ZRANB3: variants seen among roughly 807,000 people sequenced by gnomAD.
The protein encoded by ZRANB3 is zinc finger RANBP2-type containing 3.
Under a neutral mutation model 133.8 loss-of-function variants are expected in ZRANB3, and 125 were observed. That is an observed-to-expected ratio of 0.93 (90% confidence interval 0.81 to 1.08). ZRANB3 has a LOEUF of 1.08. ZRANB3 is among the 50% of genes least tolerant of loss of function. The pLI, the probability that ZRANB3 is intolerant of heterozygous loss-of-function variation, is 0.00. For missense variants in ZRANB3, 1,229 were observed against 1,275.5 expected, an observed-to-expected ratio of 0.96 and a Z score of 0.56; for synonymous variants, 387 against 432.7, an observed-to-expected ratio of 0.89 and a Z score of 1.31.
chr2:135,320,390 AAAC>A (rs1683464984), intron 6 of ZRANB3, among the ~76,000 whole-genome samples: 1 of 152,218 alleles, frequency 6.6e-6, no homozygotes, highest in Non-Finnish European at 1.5e-5. Flanking sequence ...GGTAGGTTTA[AAAC>A]AAAAGGATAC....
chr2:135,414,672 C>T (rs930302434), intron 2 of ZRANB3, among the ~76,000 whole-genome samples: 1 of 152,136 alleles, frequency 6.6e-6, no homozygotes, highest in Non-Finnish European at 1.5e-5. Flanking sequence ...CACCACACCA[C>T]ACCTATTCCA....
intron 3 of ZRANB3, among the ~76,000 whole-genome samples, chr2:135,389,876 C>CTTTTTTT (rs1165827390): frequency 3.7e-4 from 38 of 102,322 alleles, no homozygotes; most frequent in Middle Eastern, 7.2e-3. Flanking sequence ...TGCTGTTATT[C>CTTTTTTT]TTTTTTTTTT....
chr2:135,440,723 C>A (rs751956813), intron 2 of ZRANB3, among the ~76,000 whole-genome samples: 1 of 152,176 alleles, frequency 6.6e-6, no homozygotes, highest in African/African-American at 2.4e-5. Flanking sequence ...TTTGATTCAG[C>A]CTTGTGATAT....
At chr2:135,206,422 T>G (rs538060532) in intron 19 of ZRANB3, among the ~76,000 whole-genome samples, 3 of 151,924 alleles carry the variant, frequency 2.0e-5, no homozygotes, top group African/African-American at 7.2e-5. Context: ...ATACTTTTAG[T>G]AGAGATGGGG....
At chr2:135,404,781 G>A (rs199597832) in intron 2 of ZRANB3, among the ~76,000 whole-genome samples, 1 of 152,224 alleles carries the variant, frequency 6.6e-6, no homozygotes, top group Non-Finnish European at 1.5e-5. Flanking sequence ...AGCCAGAAGA[G>A]AGTGGGGGCC....
chr2:135,395,112 A>T (rs1300586744), intron 2 of ZRANB3, among the ~76,000 whole-genome samples: 1 of 152,192 alleles, frequency 6.6e-6, no homozygotes, highest in Non-Finnish European at 1.5e-5. Context: ...TATACTACAG[A>T]GCTATTGTTA....
intron 3 of ZRANB3, among the ~76,000 whole-genome samples, chr2:135,390,340 T>C (rs1250637330): frequency 1.3e-5 from 2 of 152,114 alleles, no homozygotes; most frequent in African/African-American, 4.8e-5. Flanking sequence ...AAAACACGAA[T>C]AGGGATACAT....
chr2:135,490,018 C>A (rs144490340), intron 2 of ZRANB3, among the ~76,000 whole-genome samples: 50 of 152,092 alleles, frequency 3.3e-4, no homozygotes, highest in African/African-American at 1.1e-3. Context: ...AAGGTCAATG[C>A]CAAGACATAT....
intron 2 of ZRANB3, among the ~76,000 whole-genome samples, chr2:135,402,295 C>CTTT (rs374450905): frequency 1.5e-5 from 2 of 133,868 alleles, no homozygotes; most frequent in African/African-American, 3.0e-5. Flanking sequence ...TTCTTTCTCT[C>CTTT]TTTTTTTTTT....
intron 12 of ZRANB3, among the ~76,000 whole-genome samples, chr2:135,261,984 A>G (rs1168558734): frequency 1.3e-5 from 2 of 151,908 alleles, no homozygotes; most frequent in East Asian, 3.9e-4. Flanking sequence ...ACAGGGTGAA[A>G]CCCCGTCTTT....
chr2:135,393,837 T>C (rs984104117), intron 2 of ZRANB3, among the ~76,000 whole-genome samples: 19 of 152,104 alleles, frequency 1.2e-4, no homozygotes, highest in African/African-American at 4.6e-4. Context: ...CTAAACTAAC[T>C]GAAACGAAAA....
At chr2:135,377,881 T>G (rs72984440) in intron 3 of ZRANB3, among the ~76,000 whole-genome samples, 10,505 of 152,210 alleles carry the variant, frequency 0.069, 762 homozygotes, top group African/African-American at 0.19. Context: ...GACCTACCCT[T>G]AATCTGGTTG....
intron 2 of ZRANB3, among the ~76,000 whole-genome samples, chr2:135,421,110 G>C (rs1224084424): frequency 6.6e-6 from 1 of 152,130 alleles, no homozygotes; most frequent in Non-Finnish European, 1.5e-5. Context: ...ATGAAAAGCT[G>C]CTTTTTGAAG....
chr2:135,347,294 CTTTTTT>C (rs371254079), intron 5 of ZRANB3, among the ~76,000 whole-genome samples: 2 of 137,358 alleles, frequency 1.5e-5, no homozygotes, highest in Admixed American at 7.4e-5. Context: ...TTTCAGTTCT[CTTTTTT>C]TTTTTTTTTT....
Position 135,498,065 on chromosome 2 carries a change from TAATAAATA to T in ZRANB3, c.161+6256_161+6263del, listed in dbSNP as rs146727358. 5.0e-3 allele frequency among the ~76,000 whole-genome samples: 751 copies of T among 149,556 alleles called. 1 individual carries two copies. The highest frequency in any genetic ancestry group is 8.3e-3 in the Admixed American group (125 of 15,000). ...GACTCTGTCTCTAAAAAATAATAAA[TAATAAATA>T]AATAAATAAATAAATAAATAAATAA... On this transcript the variant is annotated intron_variant, in intron 2 of 20. Coordinates refer to ENST00000264159, the MANE Select transcript of ZRANB3 (RefSeq NM_032143.4).
At chr2:135,252,823 T>A (rs969309872) in intron 12 of ZRANB3, among the ~76,000 whole-genome samples, 1 of 152,244 alleles carries the variant, frequency 6.6e-6, no homozygotes, top group Non-Finnish European at 1.5e-5. Context: ...CTTATCTACC[T>A]GCATGCTGTT....
At position 135,412,445 on chromosome 2, in the gene ZRANB3, T is replaced by C. The variant is rs563834451; in HGVS notation, c.162-21625A>G. Among the ~76,000 whole-genome samples the C allele has an allele frequency of 3.9e-5, 6 of 152,296 alleles. No individual in the cohort carries two copies. In the South Asian group the frequency reaches 1.2e-3, roughly 32 times the overall value. ...TACTACTTATAAAATAATTATAAAC[T>C]AGATCAAGTAGACCTGGCTTACTTT... On this transcript the variant is annotated intron_variant, in intron 2 of 20. Coordinates refer to ENST00000264159, the MANE Select transcript of ZRANB3 (RefSeq NM_032143.4).
intron 19 of ZRANB3, among the ~76,000 whole-genome samples, chr2:135,203,395 G>A (rs1037511214): frequency 5.9e-5 from 9 of 151,926 alleles, no homozygotes; most frequent in Non-Finnish European, 7.4e-5. Flanking sequence ...CAGGGCAGGC[G>A]GATCACTAGG....
intron 8 of ZRANB3, among the ~76,000 whole-genome samples, chr2:135,289,413 G>A (rs1436925921): frequency 5.3e-5 from 8 of 152,030 alleles, no homozygotes; most frequent in African/African-American, 9.7e-5. Context: ...CTGCCACTGC[G>A]CACGGCTAAT....
Sources: gnomAD v4.1 joint callset for allele counts (sites outside exome capture counted in the v4.1 genomes callset) on GRCh38, gnomAD v4.1.1 for gene constraint, MANE v1.5 for transcripts, NCBI Gene and HGNC (gene_info 2026-07-23, HGNC 2026-07-21) for gene names.